Variants in ME3 observed in about 807,000 individuals in gnomAD.
ME3 encodes the protein NADP-dependent malic enzyme, mitochondrial.
In ME3, 48 loss-of-function variants were observed where a neutral mutation model predicts 68.9. The ratio of observed to expected loss-of-function variants is 0.70; its 90% CI spans 0.55 to 0.89. The LOEUF (loss-of-function observed/expected upper bound fraction) is 0.89, where lower values mean the gene tolerates loss of function less well. Ranked by LOEUF, ME3 falls within the 40% of genes least tolerant of loss-of-function variation. The pLI is 0.00. For missense variants in ME3, 675 were observed against 797.4 expected, an observed-to-expected ratio of 0.85 and a Z score of 1.85; for synonymous variants, 320 against 318.8, an observed-to-expected ratio of 1.00 and a Z score of -0.04.
intron 3 of ME3, among the ~76,000 whole-genome samples, chr11:86,557,479 G>T (rs557630570): frequency 5.6e-4 from 85 of 152,266 alleles, no homozygotes; most frequent in African/African-American, 2.0e-3. Context: ...TGGGATGGGA[G>T]AAATTTTCTA....
intron 2 of ME3, among the ~76,000 whole-genome samples, chr11:86,581,708 C>T (rs1958451045): frequency 6.6e-6 from 1 of 152,130 alleles, no homozygotes; most frequent in Non-Finnish European, 1.5e-5. Context: ...TGCCCCAAAC[C>T]AAGCTCATCT....
Position 86,662,435 on chromosome 11 carries a change from ATTTTT to A in ME3, c.183+9322_183+9326del, listed in dbSNP as rs560067030. Among the ~76,000 whole-genome samples the A allele has an allele frequency of 2.7e-5, 4 of 150,088 alleles. No individual in the cohort carries two copies. The South Asian group carries it at 8.5e-4, about 32-fold the overall frequency. ...AAGACCTTGTCTCTACAGAAAATTA[ATTTTT>A]TTTTTATTTAGCTGTGCAAGGTAGC... On this transcript the variant is annotated intron_variant, in intron 2 of 14. Coordinates refer to ENST00000543262, the Ensembl canonical transcript of ME3.
At chr11:86,448,451 T>G (rs1186227471) in intron 10 of ME3, among the ~76,000 whole-genome samples, 196 bp from the exon 11 acceptor site, 1 of 151,910 alleles carries the variant, frequency 6.6e-6, no homozygotes, top group African/African-American at 2.4e-5. Context: ...GAGAGTGGGG[T>G]GTGTGTGTGT....
chr11:86,598,094 G>A (rs1026349709), intron 2 of ME3, among the ~76,000 whole-genome samples: 8 of 152,098 alleles, frequency 5.3e-5, no homozygotes, highest in African/African-American at 1.7e-4. Flanking sequence ...CAGACAGTGG[G>A]CGCAGGACAG....
In ME3 at chr11:86,457,860, T is replaced by C. The variant is rs138371588; in HGVS notation, c.919+7231A>G. 3.8e-5 allele frequency: 44 copies of C among 1,153,500 alleles called. No individual in the cohort carries two copies. The East Asian group carries it at 2.5e-3, about 66-fold the overall frequency. 71.5% of individuals were successfully genotyped at this position (1,153,500 alleles called of 1,614,324 possible). On this transcript the variant is annotated intron_variant, in intron 8 of 14. Transcript: ENST00000543262. ...TACTTGAGGTTGTAGCTTCAGGAAA[T>C]AGCACAAAAGGACATGCTGAAAATG...
intron 4 of ME3, among the ~76,000 whole-genome samples, chr11:86,540,518 C>A (rs1955977620): frequency 6.6e-6 from 1 of 152,150 alleles, no homozygotes; most frequent in Admixed American, 6.5e-5. Context: ...TCCTTCACAT[C>A]CCTCTATGAA....
intron 4 of ME3, 47 bp from the exon 5 acceptor site, chr11:86,508,914 TTAGGAAC>T: frequency 6.7e-7 from 1 of 1,497,510 alleles, no homozygotes; most frequent in Non-Finnish European, 9.3e-7. Context: ...GGCAGTCAGA[TTAGGAAC>T]TGAGCAAAGT....
intron 2 of ME3, among the ~76,000 whole-genome samples, chr11:86,626,881 C>A (rs1329789979): frequency 6.6e-6 from 1 of 152,154 alleles, no homozygotes; most frequent in Admixed American, 6.5e-5. Context: ...TATATTATAT[C>A]CCCTCTGTTT....
At chr11:86,475,874 T>TAGAGAGAGAGAGAGAGAGAGAGAGAG (rs1555206746) in intron 7 of ME3, among the ~76,000 whole-genome samples, 1 of 91,470 alleles carries the variant, frequency 1.1e-5, no homozygotes, top group African/African-American at 5.0e-5. Flanking sequence ...TATATATATA[T>TAGAGAGAGAGAGAGAGAGAGAGAGAG]AGAGAGAGAG....
At chr11:86,575,010 A>G (rs1958021782) in intron 2 of ME3, among the ~76,000 whole-genome samples, 1 of 120,710 alleles carries the variant, frequency 8.3e-6, no homozygotes, top group Non-Finnish European at 1.8e-5. Flanking sequence ...GCAGGGGCCA[A>G]CTTGTTCTCA....
At chr11:86,603,780 T>C (rs1961142546) in intron 2 of ME3, among the ~76,000 whole-genome samples, 1 of 151,726 alleles carries the variant, frequency 6.6e-6, no homozygotes, top group Non-Finnish European at 1.5e-5. Flanking sequence ...AAATGATGTG[T>C]TCATGTCCTT....
At chr11:86,459,930 G>A (rs1950148490) in intron 8 of ME3, among the ~76,000 whole-genome samples, 2 of 152,240 alleles carry the variant, frequency 1.3e-5, no homozygotes. Context: ...GGGCTTTCCT[G>A]GCTCCAGCCA....
intron 2 of ME3, among the ~76,000 whole-genome samples, chr11:86,650,397 G>A (rs1471517029): frequency 6.6e-6 from 1 of 152,056 alleles, no homozygotes; most frequent in East Asian, 1.9e-4. Context: ...CATACGTATG[G>A]GCAAATACTT....
At chr11:86,539,016 A>G (rs1565922366) in intron 4 of ME3, among the ~76,000 whole-genome samples, 1 of 152,224 alleles carries the variant, frequency 6.6e-6, no homozygotes, top group East Asian at 1.9e-4. Context: ...CCACAACACT[A>G]TGATGGCTTG....
At chr11:86,534,093 A>G (rs201514054) in intron 4 of ME3, among the ~76,000 whole-genome samples, 65,199 of 149,718 alleles carry the variant, frequency 0.44, 14,625 homozygotes, top group South Asian at 0.5. Context: ...ATATATATAT[A>G]TATATATATA....
Position 86,445,517 on chromosome 11 carries a change from G to A in ME3, c.1554+797C>T, listed in dbSNP as rs992459341. 2.0e-5 allele frequency among the ~76,000 whole-genome samples: 3 copies of A among 152,336 alleles called. No homozygotes were observed. In the East Asian group the frequency reaches 5.8e-4, roughly 29 times the overall value. On this transcript the variant is annotated intron_variant, in intron 13 of 14. Transcript: ENST00000543262. ...AGTCACAGGAGAGCCTTTGGAGCTT[G>A]TTACGTGTAAATATGTTTAATATTT...
intron 2 of ME3, among the ~76,000 whole-genome samples, chr11:86,653,587 T>C (rs1219560373): frequency 1.3e-5 from 2 of 152,156 alleles, no homozygotes; most frequent in African/African-American, 4.8e-5. Flanking sequence ...CTGGGACACA[T>C]TCAAAGTAGT....
intron 2 of ME3, among the ~76,000 whole-genome samples, chr11:86,646,671 G>A (rs541739301): frequency 6.6e-6 from 1 of 152,232 alleles, no homozygotes; most frequent in East Asian, 1.9e-4. Context: ...AACAAGACAG[G>A]CCAACATTCA....
intron 5 of ME3, among the ~76,000 whole-genome samples, chr11:86,501,726 C>T (rs1408561015): frequency 3.3e-5 from 5 of 152,308 alleles, no homozygotes; most frequent in Non-Finnish European, 5.9e-5. Context: ...AGTTCAAAAA[C>T]GTCCAGTCTT....
Sources: gnomAD v4.1 joint callset for allele counts (sites outside exome capture counted in the v4.1 genomes callset) on GRCh38, gnomAD v4.1.1 for gene constraint, MANE v1.5 for transcripts, NCBI Gene and HGNC (gene_info 2026-07-23, HGNC 2026-07-21) for gene names.